The following SDHAF3 variants were observed in gnomAD, a reference collection of about 807,000 sequenced individuals.
SDHAF3 encodes the protein succinate dehydrogenase assembly factor 3, mitochondrial.
In SDHAF3, 18 loss-of-function variants were observed where a neutral mutation model predicts 11.5. The ratio of observed to expected loss-of-function variants is 1.56; its 90% CI spans 1.08 to 2.32. The LOEUF (loss-of-function observed/expected upper bound fraction) is 2.32, where lower values mean the gene tolerates loss of function less well. SDHAF3 is among the 30% of genes most tolerant of loss of function. SDHAF3 has a pLI of 0.00. For missense variants in SDHAF3, 200 were observed against 154.4 expected (o/e 1.30, Z -1.57); for synonymous variants, 72 against 59.3 (o/e 1.21, Z -0.99).
intron 1 of SDHAF3, among the ~76,000 whole-genome samples, chr7:97,146,534 CTGT>C (rs1412355983): frequency 6.6e-6 from 1 of 152,150 alleles, no homozygotes; most frequent in Non-Finnish European, 1.5e-5. Flanking sequence ...TACTTTCTAT[CTGT>C]TCCTGTCTGT....
chr7:97,173,232 A>T (rs1789631501), intron 1 of SDHAF3, among the ~76,000 whole-genome samples: 1 of 152,216 alleles, frequency 6.6e-6, no homozygotes, highest in African/African-American at 2.4e-5. Context: ...GTGAGAAGTT[A>T]TTGAAATAGT....
At chr7:97,138,934 C>A (rs1189410978) in intron 1 of SDHAF3, among the ~76,000 whole-genome samples, 1 of 152,044 alleles carries the variant, frequency 6.6e-6, no homozygotes, top group Non-Finnish European at 1.5e-5. Flanking sequence ...TGCACTCTGG[C>A]CCAGATCCTG....
intron 1 of SDHAF3, among the ~76,000 whole-genome samples, chr7:97,166,291 G>A (rs1288471888): frequency 6.6e-6 from 1 of 152,086 alleles, no homozygotes; most frequent in African/African-American, 2.4e-5. Context: ...TACATTTTAG[G>A]GGACATAAGA....
At chr7:97,119,035 G>T (rs558788533) in intron 1 of SDHAF3, among the ~76,000 whole-genome samples, 1 of 152,176 alleles carries the variant, frequency 6.6e-6, no homozygotes, top group Non-Finnish European at 1.5e-5. Context: ...ACTGGATTCA[G>T]ATTCAGTCTC....
intron 1 of SDHAF3, among the ~76,000 whole-genome samples, chr7:97,122,244 G>A (rs956936291): frequency 6.6e-6 from 1 of 152,216 alleles, no homozygotes; most frequent in Admixed American, 6.5e-5. Flanking sequence ...TAAAGCTAAA[G>A]AGGTGGCAGG....
At chr7:97,180,781 A>G (rs1789758589) in intron 1 of SDHAF3, among the ~76,000 whole-genome samples, 2 of 152,178 alleles carry the variant, frequency 1.3e-5, no homozygotes, top group Admixed American at 6.5e-5. Context: ...ACTTATATCC[A>G]GGTTAAAAAT....
At chr7:97,170,820 T>C (rs1313647941) in intron 1 of SDHAF3, among the ~76,000 whole-genome samples, 2 of 152,124 alleles carry the variant, frequency 1.3e-5, no homozygotes, top group Admixed American at 6.5e-5. Context: ...AATTGACTTA[T>C]TAGTGACACT....
chr7:97,137,038 GTTGT>G (rs931864466), intron 1 of SDHAF3, among the ~76,000 whole-genome samples: 5 of 151,822 alleles, frequency 3.3e-5, no homozygotes, highest in African/African-American at 1.2e-4. Flanking sequence ...TTTGTTTTTG[GTTGT>G]TTGTTTTTCA....
intron 1 of SDHAF3, among the ~76,000 whole-genome samples, chr7:97,171,440 T>C (rs553389496): frequency 1.3e-5 from 2 of 152,252 alleles, no homozygotes; most frequent in African/African-American, 4.8e-5. Context: ...TTTATAATTT[T>C]TGTAATTCAG....
intron 1 of SDHAF3, among the ~76,000 whole-genome samples, chr7:97,178,338 A>AT (rs1468239198): frequency 1.3e-5 from 2 of 152,174 alleles, no homozygotes; most frequent in South Asian, 4.1e-4. Flanking sequence ...TCTATTGTGT[A>AT]TACAAGTATG....
chr7:97,134,345 T>A (rs1291222650), intron 1 of SDHAF3, among the ~76,000 whole-genome samples: 1 of 152,220 alleles, frequency 6.6e-6, no homozygotes, highest in Non-Finnish European at 1.5e-5. Context: ...CTGATAACTC[T>A]GGATTACTGG....
intron 1 of SDHAF3, among the ~76,000 whole-genome samples, chr7:97,173,813 A>G (rs1272060303): frequency 2.0e-5 from 3 of 152,096 alleles, no homozygotes; most frequent in African/African-American, 7.2e-5. Flanking sequence ...CTGCCTCCCA[A>G]AGTGCTGGGA....
chr7:97,178,248 A>G (rs987396840), intron 1 of SDHAF3, among the ~76,000 whole-genome samples: 2 of 152,220 alleles, frequency 1.3e-5, no homozygotes, highest in African/African-American at 4.8e-5. Flanking sequence ...TTTAAGGGTG[A>G]TAAATATTCC....
At chr7:97,132,596 TAA>T (rs1418247150) in intron 1 of SDHAF3, among the ~76,000 whole-genome samples, 3 of 152,212 alleles carry the variant, frequency 2.0e-5, no homozygotes, top group African/African-American at 7.2e-5. Flanking sequence ...TGATAAAAAT[TAA>T]GTTACCATGT....
At chr7:97,134,175 G>T (rs1791712182) in intron 1 of SDHAF3, among the ~76,000 whole-genome samples, 2 of 152,316 alleles carry the variant, frequency 1.3e-5, no homozygotes, top group South Asian at 4.1e-4. Flanking sequence ...AGCTACCTGG[G>T]TGAGATGGCT....
chr7:97,155,020 T>A (rs1037022346), intron 1 of SDHAF3, among the ~76,000 whole-genome samples: 4 of 152,228 alleles, frequency 2.6e-5, no homozygotes, highest in African/African-American at 7.2e-5. Context: ...CCTGTGGCAA[T>A]ACATTAATCC....
intron 1 of SDHAF3, chr7:97,135,682 A>ATATATTTT (rs1491358723): frequency 1.6e-5 from 1 of 61,836 alleles, no homozygotes; most frequent in African/African-American, 7.3e-5. Context: ...ATATATATAT[A>ATATATTTT]TTTTTTTTTT....
chr7:97,142,104 A>C (rs941366727), intron 1 of SDHAF3, among the ~76,000 whole-genome samples: 62 of 115,232 alleles, frequency 5.4e-4, no homozygotes, highest in African/African-American at 2.0e-3. Context: ...CCTGGGCTGG[A>C]GTGCAGTGGT....
intron 1 of SDHAF3, among the ~76,000 whole-genome samples, chr7:97,124,017 C>T (rs1429016015): frequency 6.6e-6 from 1 of 152,086 alleles, no homozygotes; most frequent in Non-Finnish European, 1.5e-5. Context: ...TCTCATTTGT[C>T]AATTTTGGCT....
Sources: gnomAD v4.1 joint callset for allele counts (sites outside exome capture counted in the v4.1 genomes callset) on GRCh38, gnomAD v4.1.1 for gene constraint, MANE v1.5 for transcripts, NCBI Gene and HGNC (gene_info 2026-07-23, HGNC 2026-07-21) for gene names.